The following BRD10 variants were observed in gnomAD, a reference collection of about 807,000 sequenced individuals.
The protein encoded by BRD10 is bromodomain containing 10.
the BRD10 span, chr9:5,897,695 G>A: frequency 6.6e-7 from 1 of 1,525,762 alleles, no homozygotes; most frequent in South Asian, 1.1e-5. Flanking sequence ...CAAGTCCAGG[G>A]CCCTCTTTCC....
the BRD10 span, among the ~76,000 whole-genome samples, chr9:5,934,269 C>T: frequency 6.6e-6 from 1 of 151,446 alleles, no homozygotes; most frequent in African/African-American, 2.4e-5. Context: ...ACATGAAGCA[C>T]AGAACATTTT....
the BRD10 span, among the ~76,000 whole-genome samples, chr9:5,882,494 T>C: frequency 6.6e-6 from 1 of 152,326 alleles, no homozygotes; most frequent in East Asian, 1.9e-4. Flanking sequence ...CTCATACTTG[T>C]ATGCCTGATA....
the BRD10 span, chr9:5,922,109 G>C: frequency 1.2e-6 from 2 of 1,613,980 alleles, no homozygotes; most frequent in South Asian, 1.1e-5. Context: ...ATCTGGGTTG[G>C]TCTGTACTTT....
chr9:5,930,376 T>C, the BRD10 span, among the ~76,000 whole-genome samples: 1 of 146,312 alleles, frequency 6.8e-6, no homozygotes, highest in Non-Finnish European at 1.5e-5. Context: ...AGATTATATA[T>C]ATATATATAT....
At chr9:5,928,076 C>T in the BRD10 span, among the ~76,000 whole-genome samples, 2 of 152,266 alleles carry the variant, frequency 1.3e-5, no homozygotes, top group East Asian at 3.9e-4. Context: ...CCTTGAGTTT[C>T]CCCTATCTCA....
the BRD10 span, among the ~76,000 whole-genome samples, chr9:5,950,035 C>T: frequency 1.3e-5 from 2 of 152,164 alleles, no homozygotes; most frequent in African/African-American, 4.8e-5. Flanking sequence ...ATTTCCCCTA[C>T]ATGACAAATA....
chr9:5,921,208 A>C, the BRD10 span: 2 of 1,613,802 alleles, frequency 1.2e-6, no homozygotes, highest in African/African-American at 2.7e-5. Flanking sequence ...GTAATATGTT[A>C]ATTGATGGTA....
the BRD10 span, among the ~76,000 whole-genome samples, chr9:5,925,870 C>T: frequency 1.3e-5 from 2 of 152,070 alleles, no homozygotes; most frequent in African/African-American, 4.8e-5. Flanking sequence ...AACTTTTACC[C>T]TTAGTGTCGT....
the BRD10 span, among the ~76,000 whole-genome samples, chr9:5,970,866 A>G: frequency 2.0e-5 from 3 of 152,160 alleles, no homozygotes; most frequent in African/African-American, 4.8e-5. Context: ...AGCCAGGCCA[A>G]CGTGGTAAAA....
At chr9:6,006,495 T>A in the BRD10 span, among the ~76,000 whole-genome samples, 1 of 152,232 alleles carries the variant, frequency 6.6e-6, no homozygotes, top group Non-Finnish European at 1.5e-5. Flanking sequence ...TCCTCTTGTG[T>A]TAAATAATTG....
chr9:5,964,030 G>T, the BRD10 span, among the ~76,000 whole-genome samples: 2 of 152,056 alleles, frequency 1.3e-5, no homozygotes, highest in Admixed American at 6.6e-5. Context: ...AAAAGCAATG[G>T]CAACAAAAGC....
chr9:5,898,438 G>C, the BRD10 span, among the ~76,000 whole-genome samples: 1 of 152,166 alleles, frequency 6.6e-6, no homozygotes, highest in African/African-American at 2.4e-5. Flanking sequence ...CAGAGCCCTT[G>C]TAACTTAATC....
the BRD10 span, chr9:5,908,713 C>G: frequency 6.2e-7 from 1 of 1,612,298 alleles, no homozygotes; most frequent in Non-Finnish European, 8.5e-7. Context: ...CCTTAAGAGC[C>G]AGCGAGACAC....
chr9:5,969,131 C>T, the BRD10 span: 12 of 1,613,730 alleles, frequency 7.4e-6, no homozygotes, highest in African/African-American at 2.7e-5. Context: ...TTCCCAGGTC[C>T]TATAAGGCAA....
the BRD10 span, chr9:6,007,269 T>G: frequency 1.2e-6 from 2 of 1,613,846 alleles, no homozygotes; most frequent in East Asian, 4.5e-5. Flanking sequence ...AGTGGTCCAC[T>G]CCGTGCAGGC....
chr9:5,980,169 T>G, the BRD10 span, among the ~76,000 whole-genome samples: 1 of 152,200 alleles, frequency 6.6e-6, no homozygotes, highest in Non-Finnish European at 1.5e-5. Flanking sequence ...GTGATTAGCT[T>G]AAAGACTATT....
the BRD10 span, among the ~76,000 whole-genome samples, chr9:5,940,595 A>T: frequency 6.6e-6 from 1 of 152,150 alleles, no homozygotes; most frequent in Non-Finnish European, 1.5e-5. Context: ...AATATTGTTT[A>T]GTTAGTCACC....
chr9:6,007,047 A>T, the BRD10 span: 1 of 764,648 alleles, frequency 1.3e-6, no homozygotes, highest in Non-Finnish European at 2.1e-6. Flanking sequence ...GTCCCCGCCC[A>T]GCGCCGCTCC....
the BRD10 span, among the ~76,000 whole-genome samples, chr9:5,937,789 G>A: frequency 6.6e-6 from 1 of 152,192 alleles, no homozygotes; most frequent in Non-Finnish European, 1.5e-5. Flanking sequence ...TAGAAACAGT[G>A]AGCACTGTAA....
Sources: allele counts gnomAD v4.1 joint callset (sites outside exome capture counted in the v4.1 genomes callset), GRCh38; gene constraint gnomAD v4.1.1; transcripts MANE v1.5; gene names NCBI Gene and HGNC (gene_info 2026-07-23, HGNC 2026-07-21).